Variants in CLDN10 observed in about 807,000 individuals in gnomAD.
CLDN10 encodes the protein claudin-10.
In CLDN10, 15 loss-of-function variants were observed where a neutral mutation model predicts 22.9. That is an observed-to-expected ratio of 0.65 (90% confidence interval 0.44 to 1.01). The LOEUF (loss-of-function observed/expected upper bound fraction) is 1.01, where lower values mean the gene tolerates loss of function less well. Among genes scored for constraint, CLDN10 ranks in the 50% least tolerant of loss-of-function variants. CLDN10 has a pLI of 0.00. For missense variants in CLDN10, 247 were observed against 287.8 expected, an observed-to-expected ratio of 0.86 and a Z score of 1.03; for synonymous variants, 114 against 111.4, an observed-to-expected ratio of 1.02 and a Z score of -0.15.
chr13:95,508,518 G>A (rs1228861626), intron 1 of CLDN10, among the ~76,000 whole-genome samples: 2 of 152,336 alleles, frequency 1.3e-5, no homozygotes, highest in South Asian at 2.1e-4. Context: ...CATACATCAA[G>A]CATCAATTAA....
chr13:95,501,386 T>A (rs2042983139), intron 1 of CLDN10, among the ~76,000 whole-genome samples: 1 of 152,122 alleles, frequency 6.6e-6, no homozygotes, highest in Non-Finnish European at 1.5e-5. Flanking sequence ...CGGTCGTAGC[T>A]CACTGCAGCT....
chr13:95,485,391 C>G (rs553267362), intron 1 of CLDN10, among the ~76,000 whole-genome samples: 1 of 152,282 alleles, frequency 6.6e-6, no homozygotes, highest in Admixed American at 6.5e-5. Flanking sequence ...ATTTTACCAG[C>G]CTCCATGGTC....
chr13:95,498,485 C>T (rs948135968), intron 1 of CLDN10, among the ~76,000 whole-genome samples: 2 of 152,134 alleles, frequency 1.3e-5, no homozygotes, highest in Admixed American at 6.5e-5. Context: ...GCCTCAACCT[C>T]CTGGGCTCAG....
intron 1 of CLDN10, among the ~76,000 whole-genome samples, chr13:95,498,970 G>A (rs575391847): frequency 7.9e-5 from 12 of 152,246 alleles, no homozygotes; most frequent in South Asian, 4.1e-4. Context: ...AAGTGGAATC[G>A]CACAGAATTT....
chr13:95,451,237 G>A (rs555057835), intron 1 of CLDN10, among the ~76,000 whole-genome samples: 46 of 152,260 alleles, frequency 3.0e-4, no homozygotes, highest in African/African-American at 9.9e-4. Context: ...TGCTTCAATC[G>A]AACTGGACTT....
chr13:95,531,649 C>T (rs9590298), intron 1 of CLDN10, among the ~76,000 whole-genome samples: 59,940 of 151,382 alleles, frequency 0.4, 12,186 homozygotes, highest in African/African-American at 0.47. Context: ...TTCTACCTCC[C>T]CTCTCAAGTA....
chr13:95,463,308 A>T, intron 1 of CLDN10, among the ~76,000 whole-genome samples: 1 of 104,238 alleles, frequency 9.6e-6, no homozygotes, highest in Non-Finnish European at 2.0e-5. Context: ...ATATATATAT[A>T]TATATATATA....
chr13:95,513,625 A>T (rs1294546297), intron 1 of CLDN10, among the ~76,000 whole-genome samples: 1 of 152,236 alleles, frequency 6.6e-6, no homozygotes, highest in Non-Finnish European at 1.5e-5. Context: ...AGAGAAACTG[A>T]GAAAATGAAA....
At chr13:95,459,942 C>T (rs768802729) in intron 1 of CLDN10, among the ~76,000 whole-genome samples, 8 of 152,190 alleles carry the variant, frequency 5.3e-5, no homozygotes, top group African/African-American at 7.2e-5. Context: ...TTCAAGAGCA[C>T]CCAAGTTACC....
intron 1 of CLDN10, among the ~76,000 whole-genome samples, chr13:95,465,429 A>T (rs2042574187): frequency 6.6e-6 from 1 of 152,192 alleles, no homozygotes; most frequent in African/African-American, 2.4e-5. Context: ...TTATTATCTT[A>T]ACTTTAGAGA....
At chr13:95,469,793 AT>A (rs2042613651) in intron 1 of CLDN10, among the ~76,000 whole-genome samples, 1 of 152,196 alleles carries the variant, frequency 6.6e-6, no homozygotes, top group South Asian at 2.1e-4. Flanking sequence ...TTGGTGGGCT[AT>A]TTGGTAAATA....
chr13:95,471,440 C>CACACATATATAT (rs746573300), intron 1 of CLDN10, among the ~76,000 whole-genome samples: 2 of 104,382 alleles, frequency 1.9e-5, no homozygotes, highest in African/African-American at 4.0e-5. Flanking sequence ...CACACACACA[C>CACACATATATAT]ATATATATAT....
chr13:95,565,130 G>GAA (rs202000245), intron 3 of CLDN10, among the ~76,000 whole-genome samples: 147 of 146,394 alleles, frequency 1.0e-3, no homozygotes, highest in African/African-American at 3.1e-3. Context: ...TAACAAATCT[G>GAA]AAAAAAAAAA....
intron 1 of CLDN10, among the ~76,000 whole-genome samples, chr13:95,455,197 GAA>G (rs548591708): frequency 1.5e-4 from 19 of 123,092 alleles, no homozygotes; most frequent in African/African-American, 5.4e-4. Context: ...GCCTCTAATA[GAA>G]AAAAAAAAAA....
chr13:95,449,283 G>A lies in CLDN10; in HGVS notation c.214+15236G>A, dbSNP rs548385053. 7.3e-5 allele frequency among the ~76,000 whole-genome samples: 11 copies of A among 151,560 alleles called. No individual in the cohort carries two copies. The South Asian group carries it at 8.4e-4, about 12-fold the overall frequency. On this transcript the variant is annotated intron_variant, in intron 1 of 4. Coordinates refer to the CLDN10 transcript ENST00000376873. ...TTATTTTTTTTCGAAACAGAATCTC[G>A]CTCTGTTGCCCAGGCTGGAGTGCAG...
At position 95,512,259 on chromosome 13, in the gene CLDN10, CT is replaced by C. The variant is rs897475207; in HGVS notation, c.215-47864del. Among the ~76,000 whole-genome samples, 17 of 122,190 alleles carry C rather than the reference CT, an allele frequency of 1.4e-4. 2 individuals are homozygous for C. The highest frequency in any genetic ancestry group is 4.2e-4 in the African/African-American group (14 of 33,632). 80.2% of individuals were successfully genotyped at this position (122,190 alleles called of 152,430 possible). ...TCATCTCAGACAAAGATCGTCTCTC[CT>C]TTTTTTTTGGTTTTTGTTTGTTTGT... On this transcript the variant is annotated intron_variant, in intron 1 of 4. Transcript: ENST00000376873.
intron 1 of CLDN10, among the ~76,000 whole-genome samples, chr13:95,558,334 G>A (rs1289916823): frequency 6.6e-6 from 1 of 152,154 alleles, no homozygotes; most frequent in African/African-American, 2.4e-5. Flanking sequence ...AGCTGGTTCA[G>A]CATTTGGCAG....
chr13:95,465,065 A>C (rs12869714), intron 1 of CLDN10, among the ~76,000 whole-genome samples: 1 of 152,010 alleles, frequency 6.6e-6, no homozygotes, highest in Non-Finnish European at 1.5e-5. Flanking sequence ...GAAGAAAATA[A>C]ATTTAATGGA....
chr13:95,445,375 G>A (rs1276649901), intron 1 of CLDN10, among the ~76,000 whole-genome samples: 1 of 152,246 alleles, frequency 6.6e-6, no homozygotes, highest in Non-Finnish European at 1.5e-5. Flanking sequence ...GAAGCTGAAA[G>A]CTATTGAAAC....
Sources: allele counts gnomAD v4.1 joint callset (sites outside exome capture counted in the v4.1 genomes callset), GRCh38; gene constraint gnomAD v4.1.1; transcripts MANE v1.5; gene names NCBI Gene and HGNC (gene_info 2026-07-23, HGNC 2026-07-21).